The following SLC44A5 variants were observed in gnomAD, a reference collection of about 807,000 sequenced individuals.
SLC44A5 encodes the protein solute carrier family 44 member 5, also known as choline transporter-like protein 5.
In SLC44A5, 57 loss-of-function variants were observed where a neutral mutation model predicts 101.8. The ratio of observed to expected loss-of-function variants is 0.56; its 90% CI spans 0.45 to 0.70. The LOEUF (loss-of-function observed/expected upper bound fraction) is 0.70. Ranked by LOEUF, SLC44A5 falls within the 30% of genes least tolerant of loss-of-function variation. SLC44A5 has a pLI of 0.00. For missense variants in SLC44A5, 737 were observed against 853.1 expected (o/e 0.86, Z 1.70); for synonymous variants, 281 against 290.9 (o/e 0.97, Z 0.35).
At chr1:75,497,624 A>G (rs146968059) in intron 2 of SLC44A5, among the ~76,000 whole-genome samples, 1,953 of 152,224 alleles carry the variant, frequency 0.013, 32 homozygotes, top group Middle Eastern at 0.054. Context: ...AAGAGATTAG[A>G]TCTTAGGTGT....
chr1:75,520,547 G>T (rs991914707), intron 2 of SLC44A5, among the ~76,000 whole-genome samples: 1 of 152,002 alleles, frequency 6.6e-6, no homozygotes, highest in Non-Finnish European at 1.5e-5. Flanking sequence ...GAATAGACAG[G>T]GATAATTGAA....
At chr1:75,526,955 G>A (rs1279447317) in intron 2 of SLC44A5, among the ~76,000 whole-genome samples, 3 of 151,958 alleles carry the variant, frequency 2.0e-5, no homozygotes, top group Non-Finnish European at 4.4e-5. Context: ...GCAACATGGT[G>A]AAACTCTGCC....
chr1:75,680,288 C>G, the SLC44A5 span, among the ~76,000 whole-genome samples: 2 of 151,612 alleles, frequency 1.3e-5, no homozygotes, highest in African/African-American at 4.9e-5. Context: ...GAACTCTCCA[C>G]CCCAAATCAA....
At chr1:75,308,002 T>G (rs1557646805) in intron 4 of SLC44A5, among the ~76,000 whole-genome samples, 1 of 152,324 alleles carries the variant, frequency 6.6e-6, no homozygotes, top group Non-Finnish European at 1.5e-5. Context: ...CCTAAAAAAT[T>G]TTAAAGATGA....
the SLC44A5 span, among the ~76,000 whole-genome samples, chr1:75,617,996 G>A: frequency 9.2e-5 from 14 of 152,248 alleles, no homozygotes; most frequent in Admixed American, 5.2e-4. Flanking sequence ...TTTTACAGAC[G>A]GTGAAATGGG....
intron 2 of SLC44A5, among the ~76,000 whole-genome samples, chr1:75,403,842 A>T (rs1262586534): frequency 1.3e-5 from 2 of 152,096 alleles, no homozygotes; most frequent in Non-Finnish European, 2.9e-5. Context: ...CTGGACAGAG[A>T]ATGAGTTTGA....
intron 2 of SLC44A5, among the ~76,000 whole-genome samples, chr1:75,536,942 C>G (rs1471678569): frequency 8.3e-6 from 1 of 120,630 alleles, no homozygotes; most frequent in Non-Finnish European, 1.7e-5. Flanking sequence ...GGAGGCGGAG[C>G]TTGCAGTGAG....
At chr1:75,700,939 C>A in the SLC44A5 span, among the ~76,000 whole-genome samples, 1 of 152,120 alleles carries the variant, frequency 6.6e-6, no homozygotes, top group African/African-American at 2.4e-5. Flanking sequence ...GACATACAGC[C>A]TCCCAAGACT....
At chr1:75,564,264 A>C (rs1342589412) in intron 1 of SLC44A5, among the ~76,000 whole-genome samples, 1 of 152,178 alleles carries the variant, frequency 6.6e-6, no homozygotes, top group Non-Finnish European at 1.5e-5. Flanking sequence ...TCATTGGGAG[A>C]ATTAATTTCA....
chr1:75,564,341 A>G (rs2102016707), intron 1 of SLC44A5, among the ~76,000 whole-genome samples: 1 of 152,320 alleles, frequency 6.6e-6, no homozygotes, highest in South Asian at 2.1e-4. Context: ...TTTGATTTTC[A>G]AGCATTAACA....
chr1:75,537,033 A>AAAATATATATATAT (rs35829590), intron 2 of SLC44A5, among the ~76,000 whole-genome samples: 12 of 43,022 alleles, frequency 2.8e-4, no homozygotes, highest in African/African-American at 4.9e-4. Flanking sequence ...AAAAAAAAAA[A>AAAATATATATATAT]ATATATATCT....
At chr1:75,711,410 C>T in the SLC44A5 span, among the ~76,000 whole-genome samples, 3 of 152,056 alleles carry the variant, frequency 2.0e-5, no homozygotes, top group East Asian at 3.8e-4. Flanking sequence ...TCTTGTTGGT[C>T]GTATCAACTG....
At position 75,219,828 on chromosome 1, in the gene SLC44A5, A is replaced by T; in HGVS notation, c.1150T>A (p.Cys384Ser). The part of the protein sequence containing the change: ...PALTFILLSI[C>S]ICYWVVTAVF... ...GCTGTCACGACCCAGTAGCAAATGCAGATTGAGAGCAAAATGAAAGTTAAA... is the reference window on the plus strand; with the variant it reads ...GCTGTCACGACCCAGTAGCAAATGCTGATTGAGAGCAAAATGAAAGTTAAA... The change falls in exon 15 of 24, where the codon TGC becomes AGC. Residue 384 changes from cysteine to serine, a missense_variant. Transcript: ENST00000370859. 6.2e-7 allele frequency: 1 copy of T among 1,612,938 alleles called. No individual in the cohort carries two copies. The highest frequency in any genetic ancestry group is 1.7e-5 in the Admixed American group (1 of 59,932).
intron 4 of SLC44A5, among the ~76,000 whole-genome samples, chr1:75,320,061 C>T (rs1252141845): frequency 1.3e-5 from 2 of 152,068 alleles, no homozygotes; most frequent in African/African-American, 4.8e-5. Context: ...GATAATTACT[C>T]AAAAACATAA....
the SLC44A5 span, chr1:75,641,799 G>C: frequency 1.3e-6 from 2 of 1,540,208 alleles, no homozygotes; most frequent in Middle Eastern, 3.4e-4. Flanking sequence ...AAAGAAAAAA[G>C]ACAATCACAT....
At chr1:75,300,014 C>CAAAAAAAAAAAAAAAAAAAAAA (rs35608663) in intron 5 of SLC44A5, among the ~76,000 whole-genome samples, 50 of 93,774 alleles carry the variant, frequency 5.3e-4, no homozygotes, top group African/African-American at 2.6e-3. Context: ...GACTCTGTCT[C>CAAAAAAAAAAAAAAAAAAAAAA]AAAAAAAAAA....
chr1:75,697,754 C>T, the SLC44A5 span, among the ~76,000 whole-genome samples: 1 of 152,194 alleles, frequency 6.6e-6, no homozygotes, highest in African/African-American at 2.4e-5. Flanking sequence ...GTTCATCTCA[C>T]TAGGGAGTGC....
chr1:75,235,849 G>GT (rs1259439694), intron 11 of SLC44A5, among the ~76,000 whole-genome samples: 2 of 151,982 alleles, frequency 1.3e-5, no homozygotes, highest in Non-Finnish European at 2.9e-5. Flanking sequence ...AGTTACTATT[G>GT]TAAAAAGTTC....
intron 5 of SLC44A5, among the ~76,000 whole-genome samples, chr1:75,276,986 G>A (rs1485001511): frequency 1.3e-5 from 2 of 152,094 alleles, no homozygotes; most frequent in Non-Finnish European, 2.9e-5. Flanking sequence ...TCAGGTATCC[G>A]CAGCATCTGC....
Sources: allele counts gnomAD v4.1 joint callset (sites outside exome capture counted in the v4.1 genomes callset), GRCh38; gene constraint gnomAD v4.1.1; transcripts MANE v1.5; gene names NCBI Gene and HGNC (gene_info 2026-07-23, HGNC 2026-07-21).